The following N4BP2L2 variants were observed in gnomAD, a reference collection of about 807,000 sequenced individuals.
N4BP2L2 encodes NEDD4-binding protein 2-like 2.
N4BP2L2 carries 50 observed loss-of-function variants against 56.2 expected under a neutral mutation model. The observed-to-expected ratio is 0.89, with a 90% confidence interval of 0.71 to 1.13. The LOEUF is 1.13. N4BP2L2 is among the 50% of genes most tolerant of loss of function. The pLI is 0.00. For synonymous variants in N4BP2L2, 203 were observed against 223.6 expected, an observed-to-expected ratio of 0.91 and a Z score of 0.82; for missense variants, 689 against 693.8, an observed-to-expected ratio of 0.99 and a Z score of 0.08.
At chr13:32,527,355 C>A in intron 3 of N4BP2L2, 53 bp downstream of exon 3, 1 of 1,586,596 alleles carries the variant, frequency 6.3e-7, no homozygotes, top group Non-Finnish European at 8.6e-7. Flanking sequence ...AAATCTAGGT[C>A]TTTTGACTCC....
At chr13:32,480,502 C>A in intron 6 of N4BP2L2, 2 of 715,190 alleles carry the variant, frequency 2.8e-6, no homozygotes, top group Non-Finnish European at 4.1e-6. Flanking sequence ...GTCTCTTCAA[C>A]AATAAAGAGA....
intron 2 of N4BP2L2, among the ~76,000 whole-genome samples, chr13:32,530,191 C>T (rs114899407): frequency 2.6e-5 from 4 of 152,210 alleles, no homozygotes; most frequent in Non-Finnish European, 5.9e-5. Flanking sequence ...CTATAAAGAA[C>T]ATTTTCTTAA....
chr13:32,501,900 G>A (rs1300652908), intron 6 of N4BP2L2, among the ~76,000 whole-genome samples: 1 of 151,938 alleles, frequency 6.6e-6, no homozygotes, highest in African/African-American at 2.4e-5. Flanking sequence ...TGCAACATAG[G>A]TGAGAAAACC....
exon 6 of N4BP2L2, chr13:32,514,546 G>A (rs1020408944): frequency 9.2e-5 from 14 of 152,288 alleles, no homozygotes; most frequent in African/African-American, 3.4e-4. Flanking sequence ...CTGGCTGGGT[G>A]CCTGTAATCC....
chr13:32,436,386 C>A, exon 9 of N4BP2L2: 1 of 1,234,372 alleles, frequency 8.1e-7, no homozygotes, highest in Non-Finnish European at 1.1e-6. Context: ...CATTTTTCAA[C>A]CAATCTTCTT....
intron 6 of N4BP2L2, among the ~76,000 whole-genome samples, chr13:32,449,392 G>A (rs1842587123): frequency 6.6e-6 from 1 of 152,074 alleles, no homozygotes; most frequent in Admixed American, 6.5e-5. Context: ...ATTTCTTTGG[G>A]TTCTACTTCC....
At position 32,521,554 on chromosome 13, in the gene N4BP2L2, G is replaced by A. The variant is rs191876823; in HGVS notation, c.1474-105C>T. On this transcript the variant is annotated intron_variant, in intron 4 of 5. Coordinates refer to ENST00000267068, the Ensembl canonical transcript of N4BP2L2. ...TTTCGACAATACTATACACTTGCTC[G>A]ACCAAGAAAAATGACGCTTTATAAA... 21 of 706,686 alleles carry A rather than the reference G, an allele frequency of 3.0e-5. No individual in the cohort carries two copies. In the East Asian group the frequency reaches 3.5e-4, roughly 12 times the overall value. 43.8% of individuals were successfully genotyped at this position (706,686 alleles called of 1,614,324 possible).
At position 32,484,633 on chromosome 13, in the gene N4BP2L2, C is replaced by T. The variant is rs536140114; in HGVS notation, c.365+33224G>A. 1.3e-4 allele frequency among the ~76,000 whole-genome samples: 20 copies of T among 152,084 alleles called. No homozygotes were observed. The East Asian group carries it at 2.5e-3, about 19-fold the overall frequency. ...CAAGTAGCTGGGATTACTGGCACAG[C>T]GCCACCACGCCCAGCTAATTTTTGT... On this transcript the variant is annotated intron_variant, in intron 6 of 9. Coordinates refer to the N4BP2L2 transcript ENST00000357505.
At chr13:32,522,383 G>T in intron 3 of N4BP2L2, 113 bp from the exon 4 acceptor site, 1 of 579,198 alleles carries the variant, frequency 1.7e-6, no homozygotes, top group Non-Finnish European at 2.8e-6. Flanking sequence ...AACCAAAACT[G>T]TGCAATCTCT....
At chr13:32,505,127 C>A (rs2090717625) in intron 6 of N4BP2L2, 1 of 152,240 alleles carries the variant, frequency 6.6e-6, no homozygotes, top group Non-Finnish European at 1.5e-5. Flanking sequence ...GCAATAGTAG[C>A]CCCTTTGCCT....
chr13:32,456,687 A>G (rs1365064112), intron 6 of N4BP2L2, among the ~76,000 whole-genome samples: 3 of 152,240 alleles, frequency 2.0e-5, no homozygotes, highest in Non-Finnish European at 4.4e-5. Context: ...ATATCATAAA[A>G]AAGAACCAAA....
intron 4 of N4BP2L2, chr13:32,521,733 T>C (rs866645044): frequency 3.3e-5 from 10 of 304,174 alleles, no homozygotes; most frequent in Middle Eastern, 2.0e-3. Flanking sequence ...CCCAGCACTT[T>C]GGGAGGCTGA....
intron 2 of N4BP2L2, among the ~76,000 whole-genome samples, chr13:32,527,798 G>C (rs79376529): frequency 3.7e-4 from 46 of 122,780 alleles, no homozygotes; most frequent in African/African-American, 1.4e-3. Context: ...TTTTTTTTTA[G>C]ATGGTCTCTG....
chr13:32,434,049 T>C (rs2075159667), intron 9 of N4BP2L2, among the ~76,000 whole-genome samples: 1 of 151,838 alleles, frequency 6.6e-6, no homozygotes, highest in Admixed American at 6.6e-5. Context: ...TTTCAGGCAC[T>C]AGGCTCCATA....
At chr13:32,440,947 C>G (rs1235467245) in intron 7 of N4BP2L2, among the ~76,000 whole-genome samples, 1 of 94,564 alleles carries the variant, frequency 1.1e-5, no homozygotes, top group Admixed American at 1.4e-4. Context: ...GCCTCCCAGG[C>G]AGGTTCAAGT....
Position 32,536,224 on chromosome 13 carries a change from C to T in N4BP2L2, c.804G>A (p.Trp268Ter), listed in dbSNP as rs35935628. 1 of 1,613,876 alleles carries T rather than the reference C, an allele frequency of 6.2e-7. No individual in the cohort carries two copies. The highest frequency in any genetic ancestry group is 2.2e-5 in the East Asian group (1 of 44,866). ...GCACTATAAAAGGATATACTGACTG[C>T]CATTCAGGCCTGAAAGAAGTAAATG... Residue 268 changes from tryptophan (W) to a stop codon, truncating the protein, a stop_gained, in exon 2 of 6, where the codon TGG becomes TGA. Transcript: ENST00000267068. LOFTEE classifies it high-confidence loss of function.
chr13:32,432,662 G>A (rs534980683), exon 10 of N4BP2L2: 1 of 152,214 alleles, frequency 6.6e-6, no homozygotes, highest in South Asian at 2.1e-4. Context: ...GGATATAGGG[G>A]CTAACCTTTT....
rs35773755 is a variant in N4BP2L2, at chr13:32,503,172, C to CAAAAAAAA, written c.365+14677_365+14684dup. 2.9e-4 allele frequency among the ~76,000 whole-genome samples: 17 copies of CAAAAAAAA among 57,990 alleles called. 1 individual carries two copies. The highest frequency in any genetic ancestry group is 8.0e-4 in the African/African-American group (13 of 16,344). 38.0% of individuals were successfully genotyped at this position (57,990 alleles called of 152,430 possible). ...TAGGTGACAGAGCAAGACTCTGTAG[C>CAAAAAAAA]AAAAAAAAAAAAAAAAAAAAAAAAA... On this transcript the variant is annotated intron_variant, in intron 6 of 9. Coordinates refer to the N4BP2L2 transcript ENST00000357505.
chr13:32,433,976 A>C lies in N4BP2L2; in HGVS notation c.*22-1004T>G, dbSNP rs185763233. Among the ~76,000 whole-genome samples, 718 of 150,704 alleles carry C rather than the reference A, an allele frequency of 4.8e-3. 5 individuals are homozygous for C. The highest frequency in any genetic ancestry group is 0.01 in the Middle Eastern group (3 of 286). ...GAAAAGAAAAGAAAAAAAGAAAGGC[A>C]ATGCTTTAATCCAAGGCAGTATTTA... On this transcript the variant is annotated intron_variant, in intron 9 of 9. Coordinates refer to the N4BP2L2 transcript ENST00000357505.
Sources: gnomAD v4.1 joint callset for allele counts (sites outside exome capture counted in the v4.1 genomes callset) on GRCh38, gnomAD v4.1.1 for gene constraint, MANE v1.5 for transcripts, NCBI Gene and HGNC (gene_info 2026-07-23, HGNC 2026-07-21) for gene names.